The following GABRB2 variants were observed in gnomAD, a reference collection of about 807,000 sequenced individuals.
GABRB2 encodes gamma-aminobutyric acid type A receptor subunit beta2.
GABRB2 carries 16 observed loss-of-function variants against 54.7 expected under a neutral mutation model. The observed-to-expected ratio is 0.29, with a 90% CI of 0.20 to 0.44. GABRB2 has a LOEUF of 0.44. GABRB2 is among the 20% of genes least tolerant of loss of function. GABRB2 has a pLI of 1.00. For missense variants in GABRB2, 355 were observed against 644.0 expected (o/e 0.55, Z 4.86); for synonymous variants, 244 against 233.8 (o/e 1.04, Z -0.40).
At chr5:161,387,398 C>T (rs1211997669) in intron 5 of GABRB2, among the ~76,000 whole-genome samples, 1 of 152,112 alleles carries the variant, frequency 6.6e-6, no homozygotes, top group African/African-American at 2.4e-5. Flanking sequence ...AGCCTGGTAT[C>T]CTCTAGTCTT....
At chr5:161,353,672 T>C (rs1754535865) in intron 5 of GABRB2, among the ~76,000 whole-genome samples, 1 of 152,020 alleles carries the variant, frequency 6.6e-6, no homozygotes, top group Non-Finnish European at 1.5e-5. Flanking sequence ...AGGCAGTATA[T>C]TTGATTTGGT....
intron 3 of GABRB2, among the ~76,000 whole-genome samples, chr5:161,502,023 T>C (rs1019410724): frequency 3.1e-4 from 46 of 149,086 alleles, no homozygotes; most frequent in African/African-American, 1.1e-3. Context: ...TTATATTTAT[T>C]CTTATATGGT....
chr5:161,330,758 G>C, intron 8 of GABRB2, 125 bp downstream of exon 8: 1 of 1,336,386 alleles, frequency 7.5e-7, no homozygotes, highest in South Asian at 1.4e-5. Flanking sequence ...GTGTGCTTTG[G>C]GGAAAATTAC....
intron 3 of GABRB2, among the ~76,000 whole-genome samples, chr5:161,506,210 A>T (rs1273062387): frequency 6.6e-6 from 1 of 152,128 alleles, no homozygotes; most frequent in Non-Finnish European, 1.5e-5. Context: ...AAAAGTTTTA[A>T]CAAATGGGCA....
intron 3 of GABRB2, among the ~76,000 whole-genome samples, chr5:161,460,077 T>C (rs1463613685): frequency 6.6e-6 from 1 of 152,194 alleles, no homozygotes; most frequent in Admixed American, 6.5e-5. Context: ...TCCAAGTAGC[T>C]GAGATTACAG....
At chr5:161,441,091 C>T (rs1467155118) in intron 4 of GABRB2, among the ~76,000 whole-genome samples, 13 of 152,150 alleles carry the variant, frequency 8.5e-5, no homozygotes, top group Middle Eastern at 3.4e-3. Flanking sequence ...GCACAGGCAA[C>T]CAAAGCAAAA....
At chr5:161,367,748 T>A (rs1375740560) in intron 5 of GABRB2, among the ~76,000 whole-genome samples, 2 of 152,190 alleles carry the variant, frequency 1.3e-5, no homozygotes, top group African/African-American at 4.8e-5. Context: ...TCAAAAAATG[T>A]TACCACATGT....
In GABRB2 at chr5:161,409,675, C is replaced by G. The variant is rs555464722; in HGVS notation, c.541+1300G>C. ...GAAATTCATGAGTGGTACATAGCAA[C>G]GTGCTTATTTCAGCATATTCTTACA... On this transcript the variant is annotated intron_variant, in intron 5 of 9. Transcript: ENST00000393959. 2.0e-5 allele frequency among the ~76,000 whole-genome samples: 3 copies of G among 152,224 alleles called. No homozygotes were observed. In the South Asian group the frequency reaches 6.2e-4, roughly 32 times the overall value.
intron 9 of GABRB2, among the ~76,000 whole-genome samples, chr5:161,324,376 C>A (rs986090468): frequency 2.0e-5 from 3 of 152,132 alleles, no homozygotes; most frequent in African/African-American, 7.2e-5. Flanking sequence ...GAAAGACACA[C>A]AATCCCTGGC....
intron 4 of GABRB2, among the ~76,000 whole-genome samples, chr5:161,423,916 C>T (rs936935141): frequency 5.3e-5 from 8 of 152,204 alleles, no homozygotes; most frequent in African/African-American, 1.7e-4. Context: ...ACAACATTAT[C>T]GCTGATGTGG....
chr5:161,453,323 G>A (rs1371473004), intron 4 of GABRB2, among the ~76,000 whole-genome samples: 2 of 152,194 alleles, frequency 1.3e-5, no homozygotes, highest in Non-Finnish European at 2.9e-5. Context: ...CAAGAGTGAA[G>A]GTGAGTGGTA....
At chr5:161,516,990 T>C (rs528931346) in intron 3 of GABRB2, among the ~76,000 whole-genome samples, 1 of 152,358 alleles carries the variant, frequency 6.6e-6, no homozygotes, top group East Asian at 1.9e-4. Flanking sequence ...ACTTCTTTCA[T>C]GTCTTTTGTC....
intron 5 of GABRB2, among the ~76,000 whole-genome samples, chr5:161,384,578 T>A (rs997796259): frequency 1.3e-5 from 2 of 152,164 alleles, no homozygotes; most frequent in Admixed American, 6.5e-5. Context: ...GGAGTATAAG[T>A]TCTTGGTTTT....
At chr5:161,428,995 T>G (rs1757090965) in intron 4 of GABRB2, among the ~76,000 whole-genome samples, 1 of 151,904 alleles carries the variant, frequency 6.6e-6, no homozygotes, top group Non-Finnish European at 1.5e-5. Flanking sequence ...ATATTTATTT[T>G]TATTTATGTT....
At chr5:161,310,950 C>T (rs751025458) in intron 9 of GABRB2, among the ~76,000 whole-genome samples, 12 of 151,932 alleles carry the variant, frequency 7.9e-5, no homozygotes, top group South Asian at 2.1e-4. Context: ...TTAGTAGAGA[C>T]GGGGTTTCAC....
chr5:161,456,594 A>G (rs1459899957), intron 4 of GABRB2, among the ~76,000 whole-genome samples: 1 of 152,188 alleles, frequency 6.6e-6, no homozygotes, highest in East Asian at 1.9e-4. Context: ...TCTGCAGAGC[A>G]GCTGTGTAAT....
At chr5:161,301,788 G>T (rs1757546610) in intron 9 of GABRB2, among the ~76,000 whole-genome samples, 1 of 152,062 alleles carries the variant, frequency 6.6e-6, no homozygotes, top group African/African-American at 2.4e-5. Context: ...TCCTGACAAG[G>T]TTTTTTGGAG....
chr5:161,413,003 T>TGGGATTA (rs1756564995), intron 4 of GABRB2, among the ~76,000 whole-genome samples: 1 of 152,138 alleles, frequency 6.6e-6, no homozygotes, highest in African/African-American at 2.4e-5. Context: ...CCTCCTGGTC[T>TGGGATTA]CAAGCAATCC....
intron 3 of GABRB2, among the ~76,000 whole-genome samples, chr5:161,463,347 A>ACACACC (rs1469710953): frequency 1.9e-4 from 28 of 145,004 alleles, no homozygotes; most frequent in Non-Finnish European, 4.0e-4. Flanking sequence ...ACACACACAC[A>ACACACC]CCTGCAGCCA....
Sources: gnomAD v4.1 joint callset for allele counts (sites outside exome capture counted in the v4.1 genomes callset) on GRCh38, gnomAD v4.1.1 for gene constraint, MANE v1.5 for transcripts, NCBI Gene and HGNC (gene_info 2026-07-23, HGNC 2026-07-21) for gene names.